The following WT1 variants were observed in gnomAD, a reference collection of about 807,000 sequenced individuals.
The protein encoded by WT1 is Wilms tumor protein.
Under a neutral mutation model 60.8 loss-of-function variants are expected in WT1, and 8 were observed. That is an observed-to-expected ratio of 0.13 (90% CI 0.08 to 0.24). The LOEUF is 0.24. Among genes scored for constraint, WT1 ranks in the 10% least tolerant of loss-of-function variants. The probability of loss-of-function intolerance (pLI) is 1.00; values close to 1 mark genes in which losing one functional copy is unlikely to be tolerated. For missense variants in WT1, 568 were observed against 711.8 expected (o/e 0.80, Z 2.30); for synonymous variants, 312 against 297.1 (o/e 1.05, Z -0.52).
chr11:32,409,894 AT>A (rs369455120), intron 5 of WT1, among the ~76,000 whole-genome samples: 6,859 of 151,462 alleles, frequency 0.045, 212 homozygotes, highest in Non-Finnish European at 0.073. Flanking sequence ...CCCATTGACC[AT>A]TTTTTTCCTC....
In WT1 at chr11:32,427,940, C is replaced by T. The variant is rs1799933; in HGVS notation, c.887+16G>A. ...GGGTCCCAAGGACCCAGACGCAGAGCCCAGCGCCTTCCTACCTGCTGTAGG... is the reference window on the plus strand; with the variant it reads ...GGGTCCCAAGGACCCAGACGCAGAGTCCAGCGCCTTCCTACCTGCTGTAGG... On this transcript the variant is annotated intron_variant, in intron 3 of 9. Transcript: ENST00000452863. 0.16 allele frequency: 261,185 copies of T among 1,601,882 alleles called. 29,928 individuals carry two copies. Among genetic ancestry groups the T allele is most frequent in the African/African-American group, 0.59 (44,156 of 74,782 alleles).
chr11:32,435,146 T>A lies in WT1; in HGVS notation c.215A>T (p.Gln72Leu), dbSNP rs2133106001. The A allele has an allele frequency of 6.6e-7, 1 of 1,520,776 alleles. No individual in the cohort carries two copies. Among genetic ancestry groups the A allele is most frequent in the Non-Finnish European group, 8.8e-7 (1 of 1,141,360 alleles). 94.2% of individuals were successfully genotyped at this position (1,520,776 alleles called of 1,614,324 possible). A position where few individuals can be genotyped will look rare whatever the true frequency, so the allele number is the denominator to read the frequency against. Residue 72 changes from glutamine to leucine, a missense_variant, in exon 1 of 10, where the codon CAG becomes CTG. Physicochemically the swap from Gln to Leu is moderately radical, Grantham distance 113. Around this residue, in one of 3 missense-constraint regions of WT1, gnomAD observed 523 missense variants for 565.1 expected, o/e 0.93. Coordinates refer to ENST00000452863, the MANE Select transcript of WT1 (RefSeq NM_024426.6). ...GTCCCGCACGTCGGAGCCCATTTGC[T>A]GCGGCTCAGACCCGGACGCCCCGCG...
intron 6 of WT1, among the ~76,000 whole-genome samples, chr11:32,398,795 T>TA (rs1213153996): frequency 1.3e-5 from 2 of 150,696 alleles, no homozygotes; most frequent in Non-Finnish European, 3.0e-5. Context: ...CTTACATGCA[T>TA]ATTGCTAAGA....
chr11:32,432,272 T>G (rs1338871572), intron 1 of WT1, among the ~76,000 whole-genome samples: 1 of 152,186 alleles, frequency 6.6e-6, no homozygotes, highest in Admixed American at 6.5e-5. Flanking sequence ...GGGTTTGGCC[T>G]TGGCGCTCTG....
In WT1 at chr11:32,400,263, G is replaced by A; in HGVS notation, c.1017-219C>T. 2.1e-5 allele frequency: 13 copies of A among 626,894 alleles called. No individual in the cohort carries two copies. In the South Asian group the frequency reaches 2.1e-4, roughly 10 times the overall value. The allele number at this position is 626,894 out of a possible 1,614,324, so 38.8% of individuals were successfully genotyped here. A position where few individuals can be genotyped will look rare whatever the true frequency, so the allele number is the denominator to read the frequency against. ...CCTCGCAGCCCCTCCCTCATCCTCC[G>A]ATTCTCGTAGGCGTGCACCGTCACG... On this transcript the variant is annotated intron_variant, in intron 5 of 9. Coordinates refer to ENST00000452863, the MANE Select transcript of WT1 (RefSeq NM_024426.6).
At chr11:32,425,383 A>G (rs1015767551) in intron 3 of WT1, among the ~76,000 whole-genome samples, 1 of 152,200 alleles carries the variant, frequency 6.6e-6, no homozygotes, top group Non-Finnish European at 1.5e-5. Flanking sequence ...CCTAAAATCC[A>G]AAAGTTAGGG....
At position 32,388,693 on chromosome 11, in the gene WT1, T is replaced by A. The variant is rs557682653; in HGVS notation, c.*365A>T. 1 of 369,432 alleles carries A rather than the reference T, an allele frequency of 2.7e-6. No homozygotes were observed. Among genetic ancestry groups the A allele is most frequent in the African/African-American group, 2.0e-5 (1 of 50,118 alleles). 22.9% of individuals were successfully genotyped at this position (369,432 alleles called of 1,614,324 possible). A position where few individuals can be genotyped will look rare whatever the true frequency, so the allele number is the denominator to read the frequency against. Reference sequence around the variant, plus strand: ...ATAAATATTCCATGATAGAAAATGGTACAATAATTCCATCCCCAGCGAAAA... The same window carrying A: ...ATAAATATTCCATGATAGAAAATGGAACAATAATTCCATCCCCAGCGAAAA... On this transcript the variant is annotated 3_prime_UTR_variant, in exon 10 of 10. Coordinates refer to ENST00000452863, the MANE Select transcript of WT1 (RefSeq NM_024426.6).
intron 5 of WT1, among the ~76,000 whole-genome samples, chr11:32,401,634 G>A (rs1485987242): frequency 1.3e-5 from 2 of 151,980 alleles, no homozygotes; most frequent in East Asian, 3.9e-4. Context: ...ACCGCCCCTG[G>A]GTTCAAATGA....
chr11:32,405,891 T>C (rs1210502011), intron 5 of WT1, among the ~76,000 whole-genome samples: 2 of 152,194 alleles, frequency 1.3e-5, no homozygotes, highest in South Asian at 2.1e-4. Context: ...TTTTCTTCCT[T>C]CCAAATGAGC....
In WT1 at chr11:32,434,873, C is replaced by G. The variant is rs1853444119; in HGVS notation, c.488G>C (p.Ser163Thr). Residue 163 changes from serine to threonine, a missense_variant, in exon 1 of 10, where the codon AGC (serine) becomes ACC (threonine). Transcript: ENST00000452863. Reference sequence around the variant, plus strand: ...GCCGGAAAAGTGGACAGTGAAGGCGCTCAGGCACTGCTCCTCGTGCGGCTC... The same window carrying G: ...GCCGGAAAAGTGGACAGTGAAGGCGGTCAGGCACTGCTCCTCGTGCGGCTC... 1 of 1,612,458 alleles carries G rather than the reference C, an allele frequency of 6.2e-7. No homozygotes were observed. Among genetic ancestry groups the G allele is most frequent in the African/African-American group, 1.3e-5 (1 of 74,948 alleles).
chr11:32,423,351 G>A (rs1380887008), intron 3 of WT1, among the ~76,000 whole-genome samples: 3 of 152,222 alleles, frequency 2.0e-5, no homozygotes, highest in Non-Finnish European at 2.9e-5. Context: ...CAAAACTGGA[G>A]GAGTCTGGAG....
intron 5 of WT1, among the ~76,000 whole-genome samples, chr11:32,410,919 G>T (rs529299665): frequency 1.3e-5 from 2 of 152,156 alleles, no homozygotes; most frequent in Non-Finnish European, 2.9e-5. Flanking sequence ...CTACCTAGAG[G>T]TTATGATCTT....
chr11:32,430,406 G>C (rs1308496822), intron 1 of WT1: 137 of 1,216,688 alleles, frequency 1.1e-4, no homozygotes, highest in East Asian at 7.3e-4. Flanking sequence ...ACACTAAAAA[G>C]AGAGAGAGAG....
At chr11:32,431,689 C>T (rs1291085148) in intron 1 of WT1, among the ~76,000 whole-genome samples, 1 of 151,852 alleles carries the variant, frequency 6.6e-6, no homozygotes, top group Non-Finnish European at 1.5e-5. Context: ...GTGATCCAAC[C>T]GCCTCGAGCC....
In WT1 at chr11:32,396,371, C is replaced by T. The variant is rs977244044; in HGVS notation, c.1150G>A (p.Val384Ile). Residue 384 changes from valine (V) to isoleucine (I), a missense_variant, in exon 7 of 10, where the codon GTA becomes ATA. Val to Ile is a conservative substitution (Grantham distance 29). Transcript: ENST00000452863. The stretch of plus-strand genomic sequence containing the variant: ...TCACTGGTCTCAGATGCCGACCGTA[C>T]AAGAGTCGGGGCTACTCCAGGCACA... The T allele has an allele frequency of 5.0e-6, 8 of 1,613,998 alleles. No individual in the cohort carries two copies. The African/African-American group carries it at 9.3e-5, about 19-fold the overall frequency.
chr11:32,422,624 A>G (rs1012687638), intron 3 of WT1, among the ~76,000 whole-genome samples: 1 of 152,158 alleles, frequency 6.6e-6, no homozygotes, highest in African/African-American at 2.4e-5. Flanking sequence ...GAGTTATGGA[A>G]CCCAAGATTT....
intron 5 of WT1, among the ~76,000 whole-genome samples, chr11:32,412,676 A>C (rs936051555): frequency 6.1e-5 from 8 of 130,712 alleles, no homozygotes; most frequent in Admixed American, 4.2e-4. Context: ...ACTCATACTC[A>C]GAAAGATTCC....
intron 9 of WT1, among the ~76,000 whole-genome samples, chr11:32,390,325 C>CA (rs766482647): frequency 7.9e-5 from 12 of 152,176 alleles, no homozygotes; most frequent in Non-Finnish European, 1.2e-4. Flanking sequence ...GGAGGCCAAT[C>CA]AAATGTGGTA....
intron 1 of WT1, chr11:32,430,853 T>A: frequency 8.1e-7 from 1 of 1,233,666 alleles, no homozygotes; most frequent in Non-Finnish European, 1.0e-6. Flanking sequence ...ATTAGAAGCT[T>A]ATCGGACACG....
Sources: gnomAD v4.1 joint callset for allele counts (sites outside exome capture counted in the v4.1 genomes callset) on GRCh38, gnomAD v4.1.1 for gene constraint, gnomAD v4.1.1 regional missense constraint, MANE v1.5 for transcripts, NCBI Gene and HGNC (gene_info 2026-07-23, HGNC 2026-07-21) for gene names.